CEP63: variants seen among roughly 807,000 people sequenced by gnomAD.
CEP63 encodes the protein centrosomal protein 63.
Under a neutral mutation model 89.1 loss-of-function variants are expected in CEP63, and 84 were observed. The ratio of observed to expected loss-of-function variants is 0.94; its 90% CI spans 0.79 to 1.13. The LOEUF is 1.13. Among genes scored for constraint, CEP63 ranks in the 50% most tolerant of loss-of-function variants. CEP63 has a pLI of 0.00. For missense variants in CEP63, 838 were observed against 813.3 expected (o/e 1.03, Z -0.37); for synonymous variants, 267 against 272.5 (o/e 0.98, Z 0.20).
At chr3:134,639,467 A>G in the CEP63 span, among the ~76,000 whole-genome samples, 1 of 152,206 alleles carries the variant, frequency 6.6e-6, no homozygotes. Context: ...TAGGAACGGA[A>G]AACAAAGGAC....
chr3:134,613,687 T>A, the CEP63 span, among the ~76,000 whole-genome samples: 1 of 152,364 alleles, frequency 6.6e-6, no homozygotes, highest in Admixed American at 6.5e-5. Context: ...TATAAGCTTA[T>A]GCCATGCTTG....
At chr3:134,774,888 A>G in the CEP63 span, among the ~76,000 whole-genome samples, 1 of 152,084 alleles carries the variant, frequency 6.6e-6, no homozygotes, top group South Asian at 2.1e-4. Context: ...TTTCTCTGAA[A>G]CCTAGGAGGG....
chr3:134,701,191 TAC>T, the CEP63 span, among the ~76,000 whole-genome samples: 2,191 of 98,896 alleles, frequency 0.022, 54 homozygotes, highest in African/African-American at 0.077. Context: ...TATATATATA[TAC>T]ACACACATAT....
chr3:134,551,049 GAGAAA>G (rs903216588), intron 11 of CEP63, among the ~76,000 whole-genome samples: 1 of 152,188 alleles, frequency 6.6e-6, no homozygotes, highest in African/African-American at 2.4e-5. Context: ...TAATGAAATA[GAGAAA>G]AGACAGGGAG....
chr3:134,777,181 C>G, the CEP63 span, among the ~76,000 whole-genome samples: 1 of 152,186 alleles, frequency 6.6e-6, no homozygotes, highest in African/African-American at 2.4e-5. Context: ...TTGAAAAGCA[C>G]TTCTGGATTT....
rs998177052 is a variant in CEP63, at chr3:134,561,592, A to G, written c.*57A>G. The stretch of plus-strand genomic sequence containing the variant: ...AAATAAACACCAAAGAGTTACTGTC[A>G]TCTGAAGTAGCAGCTCTTTAAAAAC... On this transcript the variant is annotated 3_prime_UTR_variant, in exon 15 of 15. Coordinates refer to ENST00000675561, the MANE Select transcript of CEP63 (RefSeq NM_001353108.3). The G allele has an allele frequency of 8.3e-6, 13 of 1,565,596 alleles. No homozygotes were observed. The African/African-American group carries it at 1.5e-4, about 18-fold the overall frequency.
At chr3:134,489,011 C>T (rs993988856) in intron 1 of CEP63, among the ~76,000 whole-genome samples, 2 of 151,800 alleles carry the variant, frequency 1.3e-5, no homozygotes, top group Non-Finnish European at 2.9e-5. Flanking sequence ...AAAAATTAGC[C>T]GGGCGTGGTG....
At position 134,564,227 on chromosome 3, in the gene CEP63, C is replaced by T; in HGVS notation, c.*2692C>T. ...ACAAGCCCAACACTTAGGAGAGGCT[C>T]AGCTAGTTTGAACCAATGGAAAATG... On this transcript the variant is annotated 3_prime_UTR_variant, in exon 15 of 15. Coordinates refer to ENST00000675561, the MANE Select transcript of CEP63 (RefSeq NM_001353108.3). 3.0e-6 allele frequency: 3 copies of T among 985,018 alleles called. No individual in the cohort carries two copies. The highest frequency in any genetic ancestry group is 3.6e-6 in the Non-Finnish European group (3 of 829,604). 61.0% of individuals were successfully genotyped at this position (985,018 alleles called of 1,614,324 possible).
the CEP63 span, chr3:134,641,253 A>G: frequency 6.6e-6 from 1 of 152,206 alleles, no homozygotes; most frequent in African/African-American, 2.4e-5. Context: ...GCCTTTAGAG[A>G]TATCCATGCC....
upstream of CEP63, chr3:134,485,813 C>T (rs780842246): frequency 2.3e-5 from 5 of 216,942 alleles, no homozygotes; most frequent in Non-Finnish European, 3.9e-5. Flanking sequence ...TTCCTCCCGA[C>T]ACGAGTGCAG....
chr3:134,572,610 T>C (rs1958057713), intron 11 of CEP63, among the ~76,000 whole-genome samples: 1 of 152,246 alleles, frequency 6.6e-6, no homozygotes, highest in African/African-American at 2.4e-5. Flanking sequence ...GGCTATGTAG[T>C]ATTCCATGGT....
chr3:134,557,376 G>GTTTTTTTTTTTTTTTTTTTTTTT (rs199930556), intron 12 of CEP63, among the ~76,000 whole-genome samples: 1 of 101,500 alleles, frequency 9.9e-6, no homozygotes, highest in Admixed American at 9.8e-5. Flanking sequence ...TTCATAATTT[G>GTTTTTTTTTTTTTTTTTTTTTTT]TTTTTTTTTT....
intron 11 of CEP63, among the ~76,000 whole-genome samples, chr3:134,570,077 C>T (rs1294330072): frequency 6.6e-6 from 1 of 152,202 alleles, no homozygotes; most frequent in African/African-American, 2.4e-5. Flanking sequence ...AGCATGGGGA[C>T]CCTGGGCCTG....
chr3:134,702,086 C>T, the CEP63 span, among the ~76,000 whole-genome samples: 1 of 152,086 alleles, frequency 6.6e-6, no homozygotes, highest in Admixed American at 6.5e-5. Context: ...AAGCCAAAAG[C>T]CAAATCACGA....
intron 7 of CEP63, 110 bp from the exon 8 acceptor site, chr3:134,546,039 T>A: frequency 8.1e-7 from 1 of 1,234,186 alleles, no homozygotes; most frequent in Non-Finnish European, 1.1e-6. Context: ...TGGCTTCTCG[T>A]GAAATAGAAA....
the CEP63 span, among the ~76,000 whole-genome samples, chr3:134,612,204 A>T: frequency 1.3e-5 from 2 of 152,192 alleles, no homozygotes; most frequent in Non-Finnish European, 2.9e-5. Flanking sequence ...AAGGAATCCC[A>T]TAAGAACATA....
chr3:134,665,702 CAG>C, the CEP63 span, among the ~76,000 whole-genome samples: 122 of 102,380 alleles, frequency 1.2e-3, 2 homozygotes, highest in African/African-American at 3.9e-3. Flanking sequence ...CACACACACA[CAG>C]AGAGAGAGAG....
At chr3:134,761,976 T>C in the CEP63 span, among the ~76,000 whole-genome samples, 3 of 152,222 alleles carry the variant, frequency 2.0e-5, no homozygotes, top group Non-Finnish European at 2.9e-5. Context: ...CTTTCAGCCG[T>C]TCTTATCCTG....
At chr3:134,649,962 GC>G in the CEP63 span, among the ~76,000 whole-genome samples, 9 of 152,164 alleles carry the variant, frequency 5.9e-5, no homozygotes, top group African/African-American at 2.2e-4. Context: ...TAAAGAACTG[GC>G]CCGCAGTCCG....
Sources: gnomAD v4.1 joint callset for allele counts (sites outside exome capture counted in the v4.1 genomes callset) on GRCh38, gnomAD v4.1.1 for gene constraint, MANE v1.5 for transcripts, NCBI Gene and HGNC (gene_info 2026-07-23, HGNC 2026-07-21) for gene names.